ATP2B2: variants seen among roughly 807,000 people sequenced by gnomAD.
ATP2B2 encodes plasma membrane calcium-transporting ATPase 2.
ATP2B2 carries 15 observed loss-of-function variants against 120.0 expected under a neutral mutation model. The observed-to-expected ratio is 0.12, with a 90% CI of 0.08 to 0.19. ATP2B2 has a LOEUF of 0.19. Among genes scored for constraint, ATP2B2 ranks in the 10% least tolerant of loss-of-function variants. The probability of loss-of-function intolerance (pLI) is 1.00; values close to 1 mark genes in which losing one functional copy is unlikely to be tolerated. For missense variants in ATP2B2, 1,045 were observed against 1,719.8 expected, an observed-to-expected ratio of 0.61 and a Z score of 6.94; for synonymous variants, 694 against 700.3, an observed-to-expected ratio of 0.99 and a Z score of 0.14.
chr3:10,547,903 C>T (rs2067586409), intron 2 of ATP2B2, among the ~76,000 whole-genome samples: 1 of 152,228 alleles, frequency 6.6e-6, no homozygotes, highest in South Asian at 2.1e-4. Context: ...CCCAGCTGGA[C>T]CATTTTCCCA....
At chr3:10,421,536 A>G (rs952689843) in intron 2 of ATP2B2, among the ~76,000 whole-genome samples, 3 of 152,156 alleles carry the variant, frequency 2.0e-5, no homozygotes, top group Non-Finnish European at 2.9e-5. Flanking sequence ...CTAGAAGCTG[A>G]GTGGCGAGAA....
intron 22 of ATP2B2, among the ~76,000 whole-genome samples, chr3:10,331,059 T>C (rs1254886784): frequency 6.6e-6 from 1 of 152,210 alleles, no homozygotes; most frequent in Non-Finnish European, 1.5e-5. Flanking sequence ...TCACCTTGCA[T>C]ACTGTGAGCT....
intron 1 of ATP2B2, among the ~76,000 whole-genome samples, chr3:10,463,639 G>T (rs2064598640): frequency 6.6e-6 from 1 of 152,188 alleles, no homozygotes; most frequent in African/African-American, 2.4e-5. Flanking sequence ...CCCTGCTCTG[G>T]ATCACAGTGT....
At chr3:10,471,354 T>C (rs2064985742) in intron 1 of ATP2B2, among the ~76,000 whole-genome samples, 1 of 123,328 alleles carries the variant, frequency 8.1e-6, no homozygotes, top group African/African-American at 2.7e-5. Context: ...TTAAAAGGGG[T>C]TCAGGAAACC....
intron 5 of ATP2B2, among the ~76,000 whole-genome samples, chr3:10,389,080 A>G (rs965700186): frequency 6.6e-6 from 1 of 152,222 alleles, no homozygotes; most frequent in African/African-American, 2.4e-5. Flanking sequence ...CCAGGGGTCT[A>G]TGCTGCAAGA....
intron 1 of ATP2B2, among the ~76,000 whole-genome samples, chr3:10,643,024 G>A (rs181849802): frequency 3.0e-4 from 46 of 152,262 alleles, no homozygotes; most frequent in African/African-American, 1.0e-3. Flanking sequence ...GGAACATCTT[G>A]TTATGCCGGA....
chr3:10,469,613 G>T (rs918136513), intron 1 of ATP2B2, among the ~76,000 whole-genome samples: 1 of 152,188 alleles, frequency 6.6e-6, no homozygotes. Flanking sequence ...CCAGGAAGAG[G>T]GTGATGGTGA....
intron 2 of ATP2B2, among the ~76,000 whole-genome samples, chr3:10,580,514 G>A (rs989730416): frequency 3.9e-5 from 6 of 152,148 alleles, no homozygotes; most frequent in Non-Finnish European, 4.4e-5. Flanking sequence ...GGTCCCAACC[G>A]ACACCTCCGG....
intron 2 of ATP2B2, among the ~76,000 whole-genome samples, chr3:10,576,422 C>G (rs538698788): frequency 8.3e-4 from 126 of 152,186 alleles, no homozygotes; most frequent in African/African-American, 2.9e-3. Flanking sequence ...GCTCTGTTGC[C>G]CAGGCTGGAG....
intron 2 of ATP2B2, among the ~76,000 whole-genome samples, chr3:10,570,661 G>T (rs1254985394): frequency 1.3e-5 from 2 of 152,200 alleles, no homozygotes; most frequent in Non-Finnish European, 2.9e-5. Context: ...TGGCCTCTTG[G>T]TGGAGAGAGT....
At chr3:10,584,968 G>A (rs969740139) in intron 2 of ATP2B2, among the ~76,000 whole-genome samples, 3 of 152,126 alleles carry the variant, frequency 2.0e-5, no homozygotes, top group Admixed American at 6.5e-5. Flanking sequence ...CCATCCACAA[G>A]TCTTGCTGGT....
rs1195011781 is a variant in ATP2B2 at position 10,552,202 on chromosome 3, C to T, written c.-414-18069G>A. Among the ~76,000 whole-genome samples, 6 of 152,214 alleles carry T rather than the reference C, an allele frequency of 3.9e-5. No individual in the cohort carries two copies. In the South Asian group the frequency reaches 6.2e-4, roughly 16 times the overall value. On this transcript the variant is annotated intron_variant, in intron 2 of 21. Coordinates refer to the ATP2B2 transcript ENST00000646379. Reference sequence around the variant, plus strand: ...TCATAGCACTGGCGAGGGGCGTGGGCGGGAAACCACATAGGCATCACCATG... The same window carrying T: ...TCATAGCACTGGCGAGGGGCGTGGGTGGGAAACCACATAGGCATCACCATG...
intron 2 of ATP2B2, among the ~76,000 whole-genome samples, chr3:10,433,632 T>C (rs1043244980): frequency 3.3e-5 from 5 of 152,184 alleles, no homozygotes; most frequent in Non-Finnish European, 7.3e-5. Context: ...ATGAAGGTTA[T>C]AGGGTCTTGT....
chr3:10,699,272 T>C (rs1414198082), intron 1 of ATP2B2, among the ~76,000 whole-genome samples: 1 of 152,234 alleles, frequency 6.6e-6, no homozygotes, highest in Non-Finnish European at 1.5e-5. Flanking sequence ...ACAAGAATGT[T>C]CATCACAGTG....
intron 1 of ATP2B2, among the ~76,000 whole-genome samples, chr3:10,469,270 G>A (rs575656102): frequency 1.3e-5 from 2 of 152,330 alleles, no homozygotes; most frequent in East Asian, 1.9e-4. Flanking sequence ...CTTTTTACAC[G>A]TCATCTCATC....
chr3:10,392,677 C>T, intron 5 of ATP2B2, among the ~76,000 whole-genome samples: 1 of 152,180 alleles, frequency 6.6e-6, no homozygotes, highest in East Asian at 1.9e-4. Context: ...CCCACAGAGC[C>T]CTTCAGAATA....
rs996769286 is a variant in ATP2B2, at chr3:10,536,297, A to T, written c.-414-2164T>A. Among the ~76,000 whole-genome samples, 9 of 147,792 alleles carry T rather than the reference A, an allele frequency of 6.1e-5. 1 individual carries two copies. Among genetic ancestry groups the T allele is most frequent in the Admixed American group, 2.7e-4 (4 of 14,930 alleles). On this transcript the variant is annotated intron_variant, in intron 2 of 21. Coordinates refer to the ATP2B2 transcript ENST00000646379. ...TTGTGGTTTGCAAATATTTTCTTCT[A>T]GTCCATAGCTTAGCTTTTTATCCTT...
chr3:10,406,870 G>A (rs543544796), intron 3 of ATP2B2, among the ~76,000 whole-genome samples: 2 of 152,356 alleles, frequency 1.3e-5, no homozygotes, highest in Non-Finnish European at 2.9e-5. Flanking sequence ...GGGAGTTGCT[G>A]AGCCTGGATT....
At chr3:10,378,513 G>C in intron 9 of ATP2B2, 103 bp from the exon 10 acceptor site, 2 of 1,497,984 alleles carry the variant, frequency 1.3e-6, no homozygotes, top group Non-Finnish European at 1.8e-6. Flanking sequence ...TGCCTGCCCA[G>C]GGTAGGTGCT....
Sources: allele counts gnomAD v4.1 joint callset (sites outside exome capture counted in the v4.1 genomes callset), GRCh38; gene constraint gnomAD v4.1.1; transcripts MANE v1.5; gene names NCBI Gene and HGNC (gene_info 2026-07-23, HGNC 2026-07-21).